ZNF217: variants seen among roughly 807,000 people sequenced by gnomAD.
ZNF217 encodes the protein zinc finger protein 217.
In ZNF217, 12 loss-of-function variants were observed where a neutral mutation model predicts 73.3. That is an observed-to-expected ratio of 0.16 (90% CI 0.10 to 0.27). The LOEUF is 0.27. Ranked by LOEUF, ZNF217 falls within the 10% of genes least tolerant of loss-of-function variation. ZNF217 has a pLI of 1.00. For missense variants in ZNF217, 1,195 were observed against 1,327.8 expected (o/e 0.90, Z 1.55); for synonymous variants, 588 against 516.4 (o/e 1.14, Z -1.88).
intron 2 of ZNF217, among the ~76,000 whole-genome samples, chr20:53,578,677 C>A (rs2070091635): frequency 6.6e-6 from 1 of 152,084 alleles, no homozygotes; most frequent in Non-Finnish European, 1.5e-5. Flanking sequence ...TTTCTGGGTA[C>A]AGCAGAGTAC....
chr20:53,581,395 G>A lies in ZNF217; in HGVS notation c.1366+66C>T. 6.6e-7 allele frequency: 1 copy of A among 1,525,506 alleles called. No individual in the cohort carries two copies. Among genetic ancestry groups the A allele is most frequent in the Non-Finnish European group, 8.8e-7 (1 of 1,140,020 alleles). The allele number at this position is 1,525,506 out of a possible 1,614,324, so 94.5% of individuals were successfully genotyped here. ...AGCGTTGTCTGGAGATGGGAATAGA[G>A]AGGGGGAGACGGGGAGACAGACAGA... On this transcript the variant is annotated intron_variant, in intron 2 of 5. Transcript: ENST00000371471. This position sits in a 1 kb window ranked among gnomAD's most constrained non-coding sequence, Gnocchi z 4.9.
At chr20:53,593,088 G>C (rs932364151) in intron 1 of ZNF217, among the ~76,000 whole-genome samples, 2 of 151,936 alleles carry the variant, frequency 1.3e-5, no homozygotes, top group Non-Finnish European at 1.5e-5. Flanking sequence ...GTGCATCCCT[G>C]TTCAGGGATG....
rs973180920 is a variant in ZNF217 at position 53,582,856 on chromosome 20, T to C, written c.-30A>G. ...TCTCAAAGTTCCGTTGGGCAATTTC[T>C]GGAGTTGGAATAAGGCCACTTGTAA... On this transcript the variant is annotated 5_prime_UTR_variant, in exon 2 of 6. Transcript: ENST00000371471. The surrounding 1 kb of genome is among the most constrained non-coding windows in gnomAD (Gnocchi z 4.8). 6.4e-7 allele frequency: 1 copy of C among 1,564,722 alleles called. No homozygotes were observed. The highest frequency in any genetic ancestry group is 1.4e-5 in the African/African-American group (1 of 73,680).
In ZNF217 at chr20:53,582,384, C is replaced by T. The variant is rs1198023250; in HGVS notation, c.443G>A (p.Arg148Lys). The change falls in exon 2 of 6, where the codon AGA becomes AAA. Residue 148 changes from arginine (R) to lysine (K), a missense_variant. Arg to Lys is a conservative substitution (Grantham distance 26, BLOSUM62 2). Coordinates refer to ENST00000371471, the MANE Select transcript of ZNF217 (RefSeq NM_006526.3). The surrounding 1 kb of genome is among the most constrained non-coding windows in gnomAD (Gnocchi z 4.8). ...GTAAGTGAAAGAATCTTTGTGTGTTCTCATGTGGATCTCAACATCAAAAGC... is the reference window on the plus strand; with the variant it reads ...GTAAGTGAAAGAATCTTTGTGTGTTTTCATGTGGATCTCAACATCAAAAGC... The part of the protein sequence containing the change: ...RVAFDVEIHM[R>K]THKDSFTYGC... 1.2e-6 allele frequency: 2 copies of T among 1,612,308 alleles called. No homozygotes were observed. Among genetic ancestry groups the T allele is most frequent in the Admixed American group, 3.3e-5 (2 of 60,008 alleles).
chr20:53,585,070 C>A (rs1423302408), intron 1 of ZNF217, among the ~76,000 whole-genome samples: 4 of 26,190 alleles, frequency 1.5e-4, no homozygotes, highest in East Asian at 9.2e-4. Flanking sequence ...CCTTATTTAG[C>A]AAAATCAAAG....
At chr20:53,571,922 G>T (rs1286167219) in intron 4 of ZNF217, 69 bp from the exon 5 acceptor site, 2 of 1,480,064 alleles carry the variant, frequency 1.4e-6, no homozygotes, top group Admixed American at 5.1e-5. Flanking sequence ...TAGGTTTTTA[G>T]AAGTCAATTT....
intron 5 of ZNF217, among the ~76,000 whole-genome samples, chr20:53,571,043 CAAG>C (rs1987976234): frequency 1.3e-5 from 2 of 152,166 alleles, no homozygotes; most frequent in South Asian, 4.1e-4. Flanking sequence ...GCTGCTGCAG[CAAG>C]GAGGTAGCCA....
intron 5 of ZNF217, chr20:53,570,542 G>A (rs1021147437): frequency 6.6e-6 from 1 of 152,608 alleles, no homozygotes; most frequent in African/African-American, 2.4e-5. Flanking sequence ...ATTGTTGAAT[G>A]AGTCATAGTA....
chr20:53,574,223 C>CA (rs1988143782), intron 4 of ZNF217: 1 of 152,140 alleles, frequency 6.6e-6, no homozygotes. Flanking sequence ...ATTTTTCCCC[C>CA]AAATATTTTA....
Position 53,575,856 on chromosome 20 carries a change from G to C in ZNF217, c.2908C>G (p.Pro970Ala), listed in dbSNP as rs746965189. The change falls in exon 4 of 6, where the codon CCA becomes GCA. Residue 970 changes from proline to alanine, a missense_variant. Physicochemically the swap from Pro to Ala is conservative, Grantham distance 27. This residue lies in a region of ZNF217 where 649 missense variants were observed against 642.8 expected (regional missense o/e 1.01). Coordinates refer to ENST00000371471, the MANE Select transcript of ZNF217 (RefSeq NM_006526.3). ...ACCTCGCTGGAGCTCAGGAACCTTG[G>C]TTTGGGAGGCAGCGCCTGCGACGGA... ...VYPSQALPPKPRFLSSSEVDS... is the reference protein window; with the variant it reads ...VYPSQALPPKARFLSSSEVDS... 8 of 1,614,096 alleles carry C rather than the reference G, an allele frequency of 5.0e-6. No homozygotes were observed. The highest frequency in any genetic ancestry group is 6.8e-6 in the Non-Finnish European group (8 of 1,180,056).
chr20:53,588,130 T>C (rs1190825402), intron 1 of ZNF217, among the ~76,000 whole-genome samples: 2 of 152,104 alleles, frequency 1.3e-5, no homozygotes. Flanking sequence ...ATTACCAATT[T>C]TAAATAGGAT....
At chr20:53,585,717 T>C (rs997468919) in intron 1 of ZNF217, among the ~76,000 whole-genome samples, 1 of 152,200 alleles carries the variant, frequency 6.6e-6, no homozygotes, top group African/African-American at 2.4e-5. Context: ...ATTATTTCAC[T>C]GCGGTGAAGG....
At chr20:53,585,370 G>C (rs1451537243) in intron 1 of ZNF217, among the ~76,000 whole-genome samples, 1 of 152,042 alleles carries the variant, frequency 6.6e-6, no homozygotes, top group Non-Finnish European at 1.5e-5. Flanking sequence ...GACCAGCCTG[G>C]CCAACATGGT....
At chr20:53,570,176 AATT>A (rs1987932556) in intron 5 of ZNF217, 1 of 152,470 alleles carries the variant, frequency 6.6e-6, no homozygotes, top group Admixed American at 6.6e-5. Flanking sequence ...ATAATTCATA[AATT>A]ATTTTTATGT....
At position 53,576,407 on chromosome 20, in the gene ZNF217, G is replaced by C. The variant is rs1212462054; in HGVS notation, c.2357C>G (p.Ser786Cys). ...CTGCTTCCCCTTCGCAGATGGCAGGGATTTGGACTGCGCCGGGAAAGCAGA... is the reference window on the plus strand; with the variant it reads ...CTGCTTCCCCTTCGCAGATGGCAGGCATTTGGACTGCGCCGGGAAAGCAGA... The part of the protein sequence containing the change: ...PKSAFPAQSK[S>C]LPSAKGKQSP... The change falls in exon 4 of 6, where the codon TCC becomes TGC. Residue 786 changes from serine to cysteine, a missense_variant. By Grantham distance (112) the Ser-to-Cys change is moderately radical (BLOSUM62 -1). Coordinates refer to ENST00000371471, the MANE Select transcript of ZNF217 (RefSeq NM_006526.3). 1 of 1,614,262 alleles carries C rather than the reference G, an allele frequency of 6.2e-7. No homozygotes were observed. The highest frequency in any genetic ancestry group is 1.7e-5 in the Admixed American group (1 of 60,032).
rs1243687280 is a variant in ZNF217, at chr20:53,582,521, T to C, written c.306A>G (p.Ala102=). 6.2e-7 allele frequency: 1 copy of C among 1,614,252 alleles called. No homozygotes were observed. The highest frequency in any genetic ancestry group is 1.1e-5 in the South Asian group (1 of 91,090). The part of the protein sequence containing the change: ...LCEPAVLRVE[A]EYLSPLDKSQ... ...TTTTATCAAGCGGACTGAGATACTC[T>C]GCTTCAACCCGAAGAACTGCTGGTT... Residue 102 remains alanine, a synonymous_variant, in exon 2 of 6, where the codon GCA becomes GCG. Coordinates refer to ENST00000371471, the MANE Select transcript of ZNF217 (RefSeq NM_006526.3). This position sits in a 1 kb window ranked among gnomAD's most constrained non-coding sequence, Gnocchi z 4.8.
In ZNF217 at chr20:53,571,236, C is replaced by A. The variant is rs1987983431; in HGVS notation, c.*23+485G>T. On this transcript the variant is annotated intron_variant, in intron 5 of 5. Coordinates refer to ENST00000371471, the MANE Select transcript of ZNF217 (RefSeq NM_006526.3). ...GCACAAAGTAAATGCTCAGTAAATTCCAGTCACTATGACTGTTTTCCTATT... is the reference window on the plus strand; with the variant it reads ...GCACAAAGTAAATGCTCAGTAAATTACAGTCACTATGACTGTTTTCCTATT... Among the ~76,000 whole-genome samples, 7 of 152,120 alleles carry A rather than the reference C, an allele frequency of 4.6e-5. No homozygotes were observed. In the South Asian group the frequency reaches 1.4e-3, roughly 32 times the overall value.
chr20:53,584,198 T>G (rs1988610571), intron 1 of ZNF217, among the ~76,000 whole-genome samples: 1 of 152,280 alleles, frequency 6.6e-6, no homozygotes, highest in Non-Finnish European at 1.5e-5. Context: ...GCATTGTTTT[T>G]AAATAGTCCC....
intron 1 of ZNF217, among the ~76,000 whole-genome samples, chr20:53,590,244 T>C (rs1226350122): frequency 6.6e-6 from 1 of 152,232 alleles, no homozygotes; most frequent in East Asian, 1.9e-4. Context: ...AAAACAGCCA[T>C]TGCTCAGTCC....
Sources: gnomAD v4.1 joint callset for allele counts (sites outside exome capture counted in the v4.1 genomes callset) on GRCh38, gnomAD v4.1.1 for gene constraint, gnomAD v4.1.1 regional missense constraint, Gnocchi (gnomAD v3.1) non-coding constraint, MANE v1.5 for transcripts, NCBI Gene and HGNC (gene_info 2026-07-23, HGNC 2026-07-21) for gene names.